Variants in CA10 observed in about 807,000 individuals in gnomAD.
CA10 encodes carbonic anhydrase-related protein 10.
Under a neutral mutation model 44.2 loss-of-function variants are expected in CA10, and 14 were observed. That is an observed-to-expected ratio of 0.32 (90% CI 0.21 to 0.50). The LOEUF is 0.50. Among genes scored for constraint, CA10 ranks in the 20% least tolerant of loss-of-function variants. The pLI, the probability that CA10 is intolerant of heterozygous loss-of-function variation, is 0.99. For synonymous variants in CA10, 159 were observed against 141.6 expected (o/e 1.12, Z -0.87); for missense variants, 350 against 409.7 (o/e 0.85, Z 1.26).
rs1364974049 is a variant in CA10, at chr17:51,631,437, C to T, written c.*147G>A. 9 of 774,300 alleles carry T rather than the reference C, an allele frequency of 1.2e-5. No individual in the cohort carries two copies. The Admixed American group carries it at 1.6e-4, about 14-fold the overall frequency. The allele number at this position is 774,300 out of a possible 1,614,324, so 48.0% of individuals were successfully genotyped here. On this transcript the variant is annotated 3_prime_UTR_variant, in exon 9 of 9. Coordinates refer to ENST00000451037, the MANE Select transcript of CA10 (RefSeq NM_020178.5). Reference sequence around the variant, plus strand: ...TATTCCTCTGCCATGGTTTTGCAGACACTTTTCATGAAGAAAGGGCCAATC... The same window carrying T: ...TATTCCTCTGCCATGGTTTTGCAGATACTTTTCATGAAGAAAGGGCCAATC...
intron 2 of CA10, among the ~76,000 whole-genome samples, chr17:51,968,517 G>A (rs980167596): frequency 6.6e-6 from 1 of 151,662 alleles, no homozygotes; most frequent in Admixed American, 6.6e-5. Flanking sequence ...CCATTTATAC[G>A]ACTTTCTAAA....
At chr17:52,003,411 T>C (rs569776496) in intron 2 of CA10, among the ~76,000 whole-genome samples, 2 of 152,082 alleles carry the variant, frequency 1.3e-5, no homozygotes, top group South Asian at 2.1e-4. Context: ...AGATTGCATA[T>C]GTATTTCTTT....
intron 2 of CA10, among the ~76,000 whole-genome samples, chr17:51,978,215 G>A (rs768466316): frequency 2.0e-5 from 3 of 151,972 alleles, no homozygotes; most frequent in Admixed American, 6.6e-5. Context: ...AAAATGGCCA[G>A]AACAATCTAA....
intron 2 of CA10, among the ~76,000 whole-genome samples, chr17:51,944,930 T>TAC: frequency 6.6e-6 from 1 of 152,282 alleles, no homozygotes; most frequent in East Asian, 1.9e-4. Context: ...AAAGAGACTC[T>TAC]ACTTCTCTGC....
At chr17:51,769,825 C>A (rs1242447207) in intron 3 of CA10, among the ~76,000 whole-genome samples, 2 of 152,112 alleles carry the variant, frequency 1.3e-5, no homozygotes, top group Non-Finnish European at 2.9e-5. Flanking sequence ...GAGAAGCCAA[C>A]GTGGTTGATG....
At chr17:51,933,455 A>G (rs1302791340) in intron 2 of CA10, among the ~76,000 whole-genome samples, 1 of 152,096 alleles carries the variant, frequency 6.6e-6, no homozygotes, top group Non-Finnish European at 1.5e-5. Flanking sequence ...AGAAGCTGGA[A>G]GAGGCAAGAC....
chr17:51,836,990 G>C (rs1481022908), intron 3 of CA10, among the ~76,000 whole-genome samples: 1 of 152,040 alleles, frequency 6.6e-6, no homozygotes, highest in Non-Finnish European at 1.5e-5. Context: ...TGTAAGGCTG[G>C]GGAGAAAGAA....
chr17:51,983,343 TTA>T (rs1202348789), intron 2 of CA10, among the ~76,000 whole-genome samples: 1 of 151,856 alleles, frequency 6.6e-6, no homozygotes. Context: ...AAATTGGGGA[TTA>T]TTGTACACAA....
chr17:51,935,662 T>C (rs1982836629), intron 2 of CA10, among the ~76,000 whole-genome samples: 1 of 152,198 alleles, frequency 6.6e-6, no homozygotes, highest in Admixed American at 6.5e-5. Flanking sequence ...AAACGTTCTC[T>C]TGGCTCTGGG....
intron 3 of CA10, among the ~76,000 whole-genome samples, chr17:51,811,270 C>A (rs1414496988): frequency 6.6e-6 from 1 of 150,944 alleles, no homozygotes; most frequent in Non-Finnish European, 1.5e-5. Context: ...AAACAGTCCC[C>A]TTTCTTGGCT....
At chr17:52,033,472 G>A (rs1483051751) in intron 2 of CA10, among the ~76,000 whole-genome samples, 1 of 151,924 alleles carries the variant, frequency 6.6e-6, no homozygotes, top group African/African-American at 2.4e-5. Flanking sequence ...AACATTCATT[G>A]CATATTGTTT....
At chr17:52,032,046 G>A (rs896530227) in intron 2 of CA10, among the ~76,000 whole-genome samples, 22 of 152,126 alleles carry the variant, frequency 1.4e-4, no homozygotes, top group African/African-American at 3.1e-4. Context: ...TAAAAGCACC[G>A]GCTTTTCTGC....
At chr17:52,071,980 T>G (rs897852036) in intron 2 of CA10, among the ~76,000 whole-genome samples, 1 of 152,206 alleles carries the variant, frequency 6.6e-6, no homozygotes, top group East Asian at 1.9e-4. Context: ...GCAGCTCCAT[T>G]GCCATGGTCA....
At chr17:51,771,511 C>A (rs1905611508) in intron 3 of CA10, among the ~76,000 whole-genome samples, 1 of 152,146 alleles carries the variant, frequency 6.6e-6, no homozygotes, top group African/African-American at 2.4e-5. Flanking sequence ...CCCAGCATTG[C>A]CTACTCTCTG....
chr17:52,017,268 A>G (rs1243857891), intron 2 of CA10, among the ~76,000 whole-genome samples: 1 of 152,158 alleles, frequency 6.6e-6, no homozygotes, highest in Non-Finnish European at 1.5e-5. Context: ...AAGAGTTTGA[A>G]TGTCTCAGAG....
chr17:51,734,664 C>A (rs781688777), intron 4 of CA10, among the ~76,000 whole-genome samples: 1 of 152,114 alleles, frequency 6.6e-6, no homozygotes, highest in African/African-American at 2.4e-5. Context: ...AGGGCACCAC[C>A]TGGAGGCCAG....
At chr17:51,995,951 T>A (rs1598157979) in intron 2 of CA10, among the ~76,000 whole-genome samples, 2 of 151,940 alleles carry the variant, frequency 1.3e-5, no homozygotes, top group South Asian at 4.1e-4. Context: ...CTCTCTGGAG[T>A]CTTCAGAACT....
At position 51,634,844 on chromosome 17, in the gene CA10, T is replaced by G. The variant is rs542023693; in HGVS notation, c.789+1011A>C. Among the ~76,000 whole-genome samples, 113 of 152,344 alleles carry G rather than the reference T, an allele frequency of 7.4e-4. 6 individuals are homozygous for G. The South Asian group carries it at 0.022, about 30-fold the overall frequency. On this transcript the variant is annotated intron_variant, in intron 7 of 8. Coordinates refer to ENST00000451037, the MANE Select transcript of CA10 (RefSeq NM_020178.5). ...TTAAAACCCAACTTTTTCAAATGCA[T>G]AATGACATCTTCCATTTTGCTTGCT...
chr17:51,791,813 T>C (rs1359531353), intron 3 of CA10, among the ~76,000 whole-genome samples: 1 of 152,250 alleles, frequency 6.6e-6, no homozygotes, highest in Non-Finnish European at 1.5e-5. Flanking sequence ...TAATAGCTTT[T>C]GAAGACCCTG....
Sources: gnomAD v4.1 joint callset for allele counts (sites outside exome capture counted in the v4.1 genomes callset) on GRCh38, gnomAD v4.1.1 for gene constraint, MANE v1.5 for transcripts, NCBI Gene and HGNC (gene_info 2026-07-23, HGNC 2026-07-21) for gene names.